Variants in TSNARE1 observed in about 807,000 individuals in gnomAD.
TSNARE1 encodes the protein t-SNARE domain containing 1.
A neutral mutation model predicts 62.0 loss-of-function variants in TSNARE1; 49 were observed. The ratio of observed to expected loss-of-function variants is 0.79; its 90% confidence interval spans 0.63 to 1.00. The LOEUF (loss-of-function observed/expected upper bound fraction) is 1.00. TSNARE1 is among the 50% of genes least tolerant of loss of function. The pLI, the probability that TSNARE1 is intolerant of heterozygous loss-of-function variation, is 0.00. For synonymous variants in TSNARE1, 328 were observed against 294.4 expected, an observed-to-expected ratio of 1.11 and a Z score of -1.17; for missense variants, 755 against 700.1, an observed-to-expected ratio of 1.08 and a Z score of -0.88.
chr8:142,288,444 C>T (rs551496657), intron 10 of TSNARE1, among the ~76,000 whole-genome samples: 250 of 152,372 alleles, frequency 1.6e-3, no homozygotes, highest in African/African-American at 5.8e-3. Context: ...GGGGGAGGCC[C>T]CCGGAGGCAG....
chr8:142,326,681 C>A (rs989803252), intron 6 of TSNARE1, among the ~76,000 whole-genome samples: 1 of 150,670 alleles, frequency 6.6e-6, no homozygotes, highest in Non-Finnish European at 1.5e-5. Context: ...CCAGAGAGCA[C>A]GAGACGGATG....
Position 142,319,457 on chromosome 8 carries a change from C to A in TSNARE1, c.894-823G>T, listed in dbSNP as rs1424606912. On this transcript the variant is annotated intron_variant, in intron 6 of 13. Coordinates refer to ENST00000524325, the MANE Select transcript of TSNARE1 (RefSeq NM_145003.5). The surrounding 1 kb of genome is among the most constrained non-coding windows in gnomAD (Gnocchi z 4.9). ...TCGAAAGCAACTGGGAAGACCAGCCCGTCTCCCGCTTGGGGTTCGCCACCC... is the reference window on the plus strand; with the variant it reads ...TCGAAAGCAACTGGGAAGACCAGCCAGTCTCCCGCTTGGGGTTCGCCACCC... Among the ~76,000 whole-genome samples, 4 of 152,024 alleles carry A rather than the reference C, an allele frequency of 2.6e-5. No individual in the cohort carries two copies. Among genetic ancestry groups the A allele is most frequent in the Non-Finnish European group, 4.4e-5 (3 of 68,000 alleles).
chr8:142,365,580 C>A (rs1372217493), intron 1 of TSNARE1, among the ~76,000 whole-genome samples: 1 of 146,862 alleles, frequency 6.8e-6, no homozygotes, highest in Non-Finnish European at 1.5e-5. Flanking sequence ...CTGAGAAAAA[C>A]CATCCATAAA....
chr8:142,335,050 A>G (rs1831560399), intron 4 of TSNARE1, among the ~76,000 whole-genome samples: 1 of 152,246 alleles, frequency 6.6e-6, no homozygotes, highest in Admixed American at 6.5e-5. Context: ...AACACTATCG[A>G]TTGTAAAAGC....
intron 10 of TSNARE1, 85 bp downstream of exon 10, chr8:142,300,401 G>A: frequency 6.8e-7 from 1 of 1,471,690 alleles, no homozygotes; most frequent in Non-Finnish European, 9.1e-7. Context: ...AAGCAATGGT[G>A]CAGCAGGCTG....
At chr8:142,339,335 C>T (rs577577415) in intron 4 of TSNARE1, among the ~76,000 whole-genome samples, 4 of 152,166 alleles carry the variant, frequency 2.6e-5, no homozygotes, top group South Asian at 2.1e-4. Context: ...TGATGTGTGA[C>T]GGCTCTTGTT....
intron 12 of TSNARE1, chr8:142,270,078 G>GC: frequency 1.0e-6 from 1 of 985,446 alleles, no homozygotes; most frequent in Non-Finnish European, 1.2e-6. Flanking sequence ...TTGGGCCATG[G>GC]GAGCCAGGCA....
chr8:142,318,305 G>A (rs557885672), intron 7 of TSNARE1, among the ~76,000 whole-genome samples: 4 of 152,322 alleles, frequency 2.6e-5, no homozygotes, highest in Admixed American at 2.0e-4. Context: ...GCCAAGGACA[G>A]CAAGAGTTCA....
intron 1 of TSNARE1, among the ~76,000 whole-genome samples, chr8:142,361,523 G>T (rs1835161328): frequency 2.0e-5 from 3 of 152,218 alleles, no homozygotes; most frequent in Admixed American, 2.0e-4. Context: ...CAGACGAGGG[G>T]CCAGGGCACG....
At chr8:142,272,473 T>C (rs1819715274) in intron 12 of TSNARE1, 1 of 140,646 alleles carries the variant, frequency 7.1e-6, no homozygotes, top group Non-Finnish European at 1.0e-5. Flanking sequence ...CCCATCCAAC[T>C]GCCCGTCTAC....
chr8:142,296,510 G>C (rs1027179382), intron 10 of TSNARE1, among the ~76,000 whole-genome samples: 6 of 151,934 alleles, frequency 3.9e-5, no homozygotes, highest in African/African-American at 1.5e-4. Flanking sequence ...GCACTGGCCA[G>C]TTTGACACGT....
At chr8:142,244,328 C>T (rs1817791167) in intron 12 of TSNARE1, among the ~76,000 whole-genome samples, 1 of 152,194 alleles carries the variant, frequency 6.6e-6, no homozygotes, top group African/African-American at 2.4e-5. Flanking sequence ...TTCTATATAT[C>T]AGCCACATCC....
chr8:142,292,217 C>T lies in TSNARE1; in HGVS notation c.1291-7732G>A, dbSNP rs576939565. Among the ~76,000 whole-genome samples the T allele has an allele frequency of 7.2e-5, 11 of 152,288 alleles. No homozygotes were observed. The South Asian group carries it at 2.1e-3, about 29-fold the overall frequency. On this transcript the variant is annotated intron_variant, in intron 10 of 13. Transcript: ENST00000524325. ...AGACAAGCCTTCCCGAGAGTCTCCA[C>T]CCTTGGCTCTCCGAGCTAGTGGACA...
intron 1 of TSNARE1, among the ~76,000 whole-genome samples, chr8:142,396,796 G>A (rs973664326): frequency 6.6e-6 from 1 of 152,214 alleles, no homozygotes; most frequent in Non-Finnish European, 1.5e-5. Context: ...CTGAGGAGCA[G>A]GAAGAGCCTA....
chr8:142,321,974 C>T (rs1451932367), intron 6 of TSNARE1, among the ~76,000 whole-genome samples: 1 of 152,158 alleles, frequency 6.6e-6, no homozygotes, highest in African/African-American at 2.4e-5. Flanking sequence ...ATATCACTCA[C>T]AAACCCAGCA....
chr8:142,334,070 G>A (rs1026760675), intron 4 of TSNARE1, among the ~76,000 whole-genome samples: 5 of 152,244 alleles, frequency 3.3e-5, no homozygotes, highest in African/African-American at 7.2e-5. Context: ...ATGACAACAG[G>A]GAGTGTAAAT....
At chr8:142,365,851 A>T in intron 1 of TSNARE1, 1 of 423,188 alleles carries the variant, frequency 2.4e-6, no homozygotes, top group East Asian at 7.5e-5. Flanking sequence ...GCAAGCACTG[A>T]AAAGTGCAAA....
At chr8:142,234,552 C>T (rs1254201435) in intron 12 of TSNARE1, among the ~76,000 whole-genome samples, 1 of 152,232 alleles carries the variant, frequency 6.6e-6, no homozygotes, top group African/African-American at 2.4e-5. Context: ...ATGACCCCAA[C>T]CACAAGTTCA....
chr8:142,245,106 C>T (rs1253322023), intron 12 of TSNARE1, among the ~76,000 whole-genome samples: 1 of 152,218 alleles, frequency 6.6e-6, no homozygotes, highest in Non-Finnish European at 1.5e-5. Flanking sequence ...CAGGGAAATG[C>T]AAATGGAGAC....
Sources: gnomAD v4.1 joint callset for allele counts (sites outside exome capture counted in the v4.1 genomes callset) on GRCh38, gnomAD v4.1.1 for gene constraint, Gnocchi (gnomAD v3.1) non-coding constraint, MANE v1.5 for transcripts, NCBI Gene and HGNC (gene_info 2026-07-23, HGNC 2026-07-21) for gene names.